Variants in SAMMSON observed in about 807,000 individuals in gnomAD.
The protein encoded by SAMMSON is survival associated mitochondrial melanoma specific oncogenic non-coding RNA, also known as long intergenic non-protein coding RNA 1212.
chr3:70,337,034 A>C (rs983115385), intron 7 of SAMMSON, among the ~76,000 whole-genome samples: 12 of 136,572 alleles, frequency 8.8e-5, no homozygotes, highest in Non-Finnish European at 1.5e-4. Flanking sequence ...ATTAATAATA[A>C]TATCTAACTT....
intron 4 of SAMMSON, among the ~76,000 whole-genome samples, chr3:70,109,652 C>G (rs1403985890): frequency 6.6e-6 from 1 of 152,168 alleles, no homozygotes; most frequent in African/African-American, 2.4e-5. Context: ...CTGTGAGATA[C>G]TGATCAAGAG....
chr3:70,413,266 T>C (rs537771683), intron 2 of SAMMSON, among the ~76,000 whole-genome samples: 1 of 152,282 alleles, frequency 6.6e-6, no homozygotes, highest in African/African-American at 2.4e-5. Flanking sequence ...TCTTTATTTT[T>C]CCTATATGTC....
chr3:70,066,193 A>G (rs1202373935), intron 3 of SAMMSON, among the ~76,000 whole-genome samples: 3 of 152,112 alleles, frequency 2.0e-5, no homozygotes, highest in South Asian at 2.1e-4. Flanking sequence ...TATCACGTCC[A>G]TCTGCTGAAT....
In SAMMSON at chr3:70,211,819, C is replaced by T. The variant is rs186769354; in HGVS notation, n.508-37288C>T. Among the ~76,000 whole-genome samples, 16 of 147,708 alleles carry T rather than the reference C, an allele frequency of 1.1e-4. No homozygotes were observed. In the East Asian group the frequency reaches 2.6e-3, roughly 24 times the overall value. On this transcript the variant is annotated intron_variant and non_coding_transcript_variant, in intron 4 of 9. Coordinates refer to ENST00000642114, the Ensembl canonical transcript of SAMMSON. ...TTTCCTTTCCTTACCCTTCCCTTCC[C>T]TTCCCTTTTTCCTTTTTCCTTTTCC...
At chr3:70,098,522 T>TA (rs1317676455) in intron 4 of SAMMSON, among the ~76,000 whole-genome samples, 1 of 151,976 alleles carries the variant, frequency 6.6e-6, no homozygotes, top group African/African-American at 2.4e-5. Flanking sequence ...TGCCTGCCAC[T>TA]ACGCCTGGCT....
At chr3:70,034,748 G>A (rs1411909080) in intron 3 of SAMMSON, among the ~76,000 whole-genome samples, 2 of 152,274 alleles carry the variant, frequency 1.3e-5, no homozygotes, top group East Asian at 1.9e-4. Context: ...GGAGGCTGAG[G>A]CAGGTGAATT....
intron 7 of SAMMSON, among the ~76,000 whole-genome samples, chr3:70,309,619 T>C (rs1375669209): frequency 6.6e-6 from 1 of 152,156 alleles, no homozygotes; most frequent in Non-Finnish European, 1.5e-5. Context: ...TGCCATGCTC[T>C]TTTTACTGCA....
chr3:70,208,468 C>T (rs746371194), intron 4 of SAMMSON, among the ~76,000 whole-genome samples: 1 of 152,048 alleles, frequency 6.6e-6, no homozygotes, highest in Non-Finnish European at 1.5e-5. Context: ...GACTTTTCTG[C>T]AGAGTAGAAT....
chr3:70,076,416 C>T (rs1234710414), intron 4 of SAMMSON, among the ~76,000 whole-genome samples: 1 of 152,136 alleles, frequency 6.6e-6, no homozygotes, highest in Admixed American at 6.6e-5. Flanking sequence ...TCATATTTAT[C>T]ACTAGCTTGT....
chr3:70,192,553 C>T (rs1053857342), intron 4 of SAMMSON, among the ~76,000 whole-genome samples: 1 of 152,132 alleles, frequency 6.6e-6, no homozygotes, highest in African/African-American at 2.4e-5. Context: ...TGGCCTCCCA[C>T]CAAAAAGATA....
intron 7 of SAMMSON, among the ~76,000 whole-genome samples, chr3:70,313,824 A>G (rs1702475935): frequency 6.6e-6 from 1 of 152,138 alleles, no homozygotes; most frequent in African/African-American, 2.4e-5. Flanking sequence ...CCCATTATTA[A>G]TAAGATAAAT....
chr3:70,323,780 A>G (rs1006611356), intron 7 of SAMMSON, among the ~76,000 whole-genome samples: 1 of 152,108 alleles, frequency 6.6e-6, no homozygotes, highest in African/African-American at 2.4e-5. Flanking sequence ...GTGAGGCCAC[A>G]GTTCATCTGC....
chr3:70,067,026 A>G (rs114492537), intron 3 of SAMMSON, among the ~76,000 whole-genome samples: 2 of 152,254 alleles, frequency 1.3e-5, no homozygotes, highest in African/African-American at 2.4e-5. Flanking sequence ...CTCAGTCTAT[A>G]TATTCAGGAA....
At chr3:70,249,241 CG>C (rs1343861221) in intron 5 of SAMMSON, 1 of 152,068 alleles carries the variant, frequency 6.6e-6, no homozygotes, top group African/African-American at 2.4e-5. Context: ...ATTTACTAAC[CG>C]GTTTGAAGGG....
Position 70,418,975 on chromosome 3 carries a change from TTCCTTCTCTC to T in SAMMSON, n.234-43582_234-43573del, listed in dbSNP as rs1371583178. On this transcript the variant is annotated intron_variant and non_coding_transcript_variant, in intron 2 of 3. Transcript: ENST00000641053. ...CTTTCCTTTCCTTTCCTTTCCTTCC[TTCCTTCTCTC>T]TCTCTCTCTCTCTCTCTTTCTTTCT... Among the ~76,000 whole-genome samples the T allele has an allele frequency of 7.1e-3, 516 of 73,014 alleles. 3 individuals carry two copies. The highest frequency in any genetic ancestry group is 0.032 in the African/African-American group (488 of 15,446). The allele number at this position is 73,014 out of a possible 152,430, so 47.9% of individuals were successfully genotyped here.
intron 4 of SAMMSON, among the ~76,000 whole-genome samples, chr3:70,157,707 C>T (rs1317220065): frequency 1.3e-5 from 2 of 152,036 alleles, no homozygotes; most frequent in Non-Finnish European, 2.9e-5. Flanking sequence ...TTTTAGCTAC[C>T]AATGAGTAAG....
chr3:70,290,762 G>A (rs1702229034), intron 6 of SAMMSON, among the ~76,000 whole-genome samples: 1 of 152,184 alleles, frequency 6.6e-6, no homozygotes, highest in Non-Finnish European at 1.5e-5. Context: ...TAATCTCGTG[G>A]TGCGCCGTTT....
intron 4 of SAMMSON, among the ~76,000 whole-genome samples, chr3:70,073,034 A>G (rs1196627568): frequency 6.6e-6 from 1 of 151,944 alleles, no homozygotes; most frequent in Non-Finnish European, 1.5e-5. Flanking sequence ...AAATTGTCTC[A>G]CAGAGAATTA....
At chr3:70,366,492 G>GTTTTTTTT in intron 9 of SAMMSON, among the ~76,000 whole-genome samples, 7 of 100,762 alleles carry the variant, frequency 6.9e-5, no homozygotes, top group East Asian at 5.6e-4. Context: ...GTGTTTTTAT[G>GTTTTTTTT]TTTTTTTTTT....
Sources: allele counts gnomAD v4.1 joint callset (sites outside exome capture counted in the v4.1 genomes callset), GRCh38; gene constraint gnomAD v4.1.1; transcripts MANE v1.5; gene names NCBI Gene and HGNC (gene_info 2026-07-23, HGNC 2026-07-21).